Variants in RPS2 observed in about 807,000 individuals in gnomAD.
The protein encoded by RPS2 is ribosomal protein S2.
RPS2 carries 8 observed loss-of-function variants against 25.3 expected under a neutral mutation model. The ratio of observed to expected loss-of-function variants is 0.32; its 90% confidence interval spans 0.19 to 0.57. RPS2 has a LOEUF of 0.57. RPS2 is among the 20% of genes least tolerant of loss of function. RPS2 has a pLI of 0.90. For synonymous variants in RPS2, 181 were observed against 161.3 expected (o/e 1.12, Z -0.92); for missense variants, 229 against 408.1 (o/e 0.56, Z 3.78).
Position 1,963,150 on chromosome 16 carries a change from T to G in RPS2, c.374A>C (p.Lys125Thr). The change falls in exon 4 of 7, where the codon AAG becomes ACG. Residue 125 changes from lysine to threonine, a missense_variant and splice_region_variant. By Grantham distance (78) the Lys-to-Thr change is moderately conservative. Around this residue, in one of 7 missense-constraint regions of RPS2, gnomAD observed 5 missense variants for 37.6 expected, o/e 0.13. Transcript: ENST00000343262. ...QTRAGQRTRFKAFVAIGDYNG... is the reference protein window; with the variant it reads ...QTRAGQRTRFTAFVAIGDYNG... ...GCCCCCTCCAGGACAGCCGGGTACCTTGAACCTGGTGCGCTGGCCGGCACG... is the reference window on the plus strand; with the variant it reads ...GCCCCCTCCAGGACAGCCGGGTACCGTGAACCTGGTGCGCTGGCCGGCACG... 1 of 1,608,428 alleles carries G rather than the reference T, an allele frequency of 6.2e-7. No individual in the cohort carries two copies. Among genetic ancestry groups the G allele is most frequent in the Non-Finnish European group, 8.5e-7 (1 of 1,176,820 alleles).
intron 6 of RPS2, 94 bp downstream of exon 6, chr16:1,962,403 C>G: frequency 7.1e-7 from 1 of 1,408,190 alleles, no homozygotes; most frequent in Non-Finnish European, 1.0e-6. Flanking sequence ...GAGCCTTTCT[C>G]TGCCTCCCTG....
Position 1,962,723 on chromosome 16 carries a change from G to A in RPS2, c.549+13C>T. ...CTGCCCCACGGCAGGCCCATCACCTGCCACCAGCCTACCTTGCAAGGGACA... is the reference window on the plus strand; with the variant it reads ...CTGCCCCACGGCAGGCCCATCACCTACCACCAGCCTACCTTGCAAGGGACA... On this transcript the variant is annotated intron_variant, in intron 5 of 6. Coordinates refer to ENST00000343262, the MANE Select transcript of RPS2 (RefSeq NM_002952.4). 1 of 1,594,704 alleles carries A rather than the reference G, an allele frequency of 6.3e-7. No homozygotes were observed. The highest frequency in any genetic ancestry group is 2.3e-5 in the East Asian group (1 of 43,732).
At position 1,963,312 on chromosome 16, in the gene RPS2, A is replaced by G. The variant is rs1024523085; in HGVS notation, c.268-56T>C. 4 of 1,212,908 alleles carry G rather than the reference A, an allele frequency of 3.3e-6. No individual in the cohort carries two copies. The South Asian group carries it at 4.3e-5, about 13-fold the overall frequency. The allele number at this position is 1,212,908 out of a possible 1,614,324, so 75.1% of individuals were successfully genotyped here. ...CATTAAAAAAAAACTTAATACCATT[A>G]TGATATTCAAGAACCAAAGTCACGG... On this transcript the variant is annotated intron_variant, in intron 3 of 6. Transcript: ENST00000343262.
intron 1 of RPS2, 21 bp downstream of exon 1, chr16:1,964,786 G>A (rs180831213): frequency 7.2e-6 from 4 of 551,730 alleles, no homozygotes; most frequent in African/African-American, 4.0e-5. Context: ...GAGGCCCGCT[G>A]CAGCGACCAA....
At position 1,964,632 on chromosome 16, in the gene RPS2, G is replaced by A. The variant is rs764013061; in HGVS notation, c.-3-4C>T. 1.9e-5 allele frequency: 28 copies of A among 1,447,648 alleles called. No individual in the cohort carries two copies. The South Asian group carries it at 3.3e-4, about 17-fold the overall frequency. 89.7% of individuals were successfully genotyped at this position (1,447,648 alleles called of 1,614,324 possible). A position where few individuals can be genotyped will look rare whatever the true frequency, so the allele number is the denominator to read the frequency against. On this transcript the variant is annotated splice_polypyrimidine_tract_variant and splice_region_variant and intron_variant, in intron 1 of 6. Coordinates refer to ENST00000343262, the MANE Select transcript of RPS2 (RefSeq NM_002952.4). ...CACCGGCGTCATCCGCCATTTGCTG[G>A]GAAAAGCGACAAGAAGGAACTAGTC... is the stretch of plus-strand genomic sequence containing the variant.
chr16:1,963,672 T>C (rs769920733), intron 3 of RPS2: 5 of 389,936 alleles, frequency 1.3e-5, no homozygotes, highest in Non-Finnish European at 2.6e-5. Flanking sequence ...CCCCGATCTG[T>C]CCCCTTCGTT....
At chr16:1,964,227 A>T in intron 3 of RPS2, 49 bp downstream of exon 3, 1 of 1,408,332 alleles carries the variant, frequency 7.1e-7, no homozygotes, top group Non-Finnish European at 1.0e-6. Flanking sequence ...CCCCAGCCCA[A>T]ATGACTCCGG....
At chr16:1,963,749 C>T (rs1335031833) in intron 3 of RPS2, 3 of 450,838 alleles carry the variant, frequency 6.7e-6, no homozygotes, top group Admixed American at 2.5e-5. Flanking sequence ...TCCTATTTGC[C>T]CTTTTTCTCT....
intron 3 of RPS2, chr16:1,963,948 C>A (rs1597038845): frequency 2.5e-6 from 1 of 403,732 alleles, no homozygotes; most frequent in East Asian, 5.9e-5. Context: ...GTTTGCTAAC[C>A]CTTACAGTGT....
At position 1,964,601 on chromosome 16, in the gene RPS2, C is replaced by G. The variant is rs12397561; in HGVS notation, c.25G>C (p.Gly9Arg). 3 of 1,522,708 alleles carry G rather than the reference C, an allele frequency of 2.0e-6. No homozygotes were observed. Among genetic ancestry groups the G allele is most frequent in the East Asian group, 2.4e-5 (1 of 42,312 alleles). 94.3% of individuals were successfully genotyped at this position (1,522,708 alleles called of 1,614,324 possible). A position where few individuals can be genotyped will look rare whatever the true frequency, so the allele number is the denominator to read the frequency against. The change falls in exon 2 of 7, where the codon GGG (glycine) becomes CGG (arginine). Residue 9 changes from glycine to arginine, a missense_variant. Transcript: ENST00000343262. MADDAGAA[G>R]GPGGPGGPGM... ...GGGCCACCAGGGCCCCCGGGCCCCCCCGCTGCACCGGCGTCATCCGCCATT... is the reference window on the plus strand; with the variant it reads ...GGGCCACCAGGGCCCCCGGGCCCCCGCGCTGCACCGGCGTCATCCGCCATT...
chr16:1,962,907 T>C lies in RPS2; in HGVS notation c.378A>G (p.Ala126=), dbSNP rs778514224. 2 of 1,599,182 alleles carry C rather than the reference T, an allele frequency of 1.3e-6. No individual in the cohort carries two copies. The highest frequency in any genetic ancestry group is 1.7e-6 in the Non-Finnish European group (2 of 1,178,152). Residue 126 remains alanine, a splice_region_variant and synonymous_variant, in exon 5 of 7, where the codon GCA becomes GCG. Coordinates refer to ENST00000343262, the MANE Select transcript of RPS2 (RefSeq NM_002952.4). ...CATTGTAGTCCCCGATAGCAACAAA[T>C]GCCTGCGAAAAGATGTGTGTGAGGC... ...TRAGQRTRFK[A]FVAIGDYNGH...
Position 1,964,648 on chromosome 16 carries a change from G to C in RPS2, c.-3-20C>G, listed in dbSNP as rs767043774. 19 of 1,298,682 alleles carry C rather than the reference G, an allele frequency of 1.5e-5. No homozygotes were observed. Among genetic ancestry groups the C allele is most frequent in the Non-Finnish European group, 2.0e-5 (19 of 946,174 alleles). 80.4% of individuals were successfully genotyped at this position (1,298,682 alleles called of 1,614,324 possible). A position where few individuals can be genotyped will look rare whatever the true frequency, so the allele number is the denominator to read the frequency against. On this transcript the variant is annotated intron_variant, in intron 1 of 6. Transcript: ENST00000343262. ...CATTTGCTGGGAAAAGCGACAAGAA[G>C]GAACTAGTCAGTGTGGCCTACGCAT...
chr16:1,963,407 G>C (rs891430875), intron 3 of RPS2, 151 bp from the exon 4 acceptor site: 6 of 595,160 alleles, frequency 1.0e-5, no homozygotes, highest in Middle Eastern at 4.6e-4. Flanking sequence ...CACAAGGTCA[G>C]GAGTCCGATA....
intron 3 of RPS2, 83 bp from the exon 4 acceptor site, chr16:1,963,339 C>CG: frequency 1.1e-6 from 1 of 912,374 alleles, no homozygotes; most frequent in Non-Finnish European, 1.7e-6. Context: ...AAGTCACGGC[C>CG]GGGGGCGGTG....
Position 1,963,271 on chromosome 16 carries a change from A to T in RPS2, c.268-15T>A, listed in dbSNP as rs755071723. 5.5e-6 allele frequency: 8 copies of T among 1,458,384 alleles called. No homozygotes were observed. The highest frequency in any genetic ancestry group is 7.5e-6 in the Non-Finnish European group (8 of 1,072,586). 90.3% of individuals were successfully genotyped at this position (1,458,384 alleles called of 1,614,324 possible). ...ATCTCTGATTCCTGAAACAAACAAG[A>T]AAATTGTAGGGAGAGCATTAAAAAA... On this transcript the variant is annotated splice_polypyrimidine_tract_variant and intron_variant, in intron 3 of 6. Coordinates refer to ENST00000343262, the MANE Select transcript of RPS2 (RefSeq NM_002952.4).
intron 4 of RPS2, 80 bp downstream of exon 4, chr16:1,963,069 G>T (rs551830000): frequency 7.2e-7 from 1 of 1,385,076 alleles, no homozygotes; most frequent in Non-Finnish European, 1.0e-6. Flanking sequence ...AAAGTCACAC[G>T]GGTGAAGCCA....
chr16:1,962,988 CAAGG>C, intron 4 of RPS2, 79 bp from the exon 5 acceptor site: 1 of 1,518,682 alleles, frequency 6.6e-7, no homozygotes, highest in Non-Finnish European at 9.1e-7. Flanking sequence ...TTGCACCCCT[CAAGG>C]AAAGAGAGGC....
chr16:1,962,468 T>C lies in RPS2; in HGVS notation c.709+29A>G, dbSNP rs575255761. ...GTGGTTAAGCGGAGCTGAGAGACCA[T>C]GGCTATGCCCCATGTGTGGACCACC... On this transcript the variant is annotated intron_variant, in intron 6 of 6. Transcript: ENST00000343262. 78 of 1,605,000 alleles carry C rather than the reference T, an allele frequency of 4.9e-5. No homozygotes were observed. The East Asian group carries it at 1.4e-3, about 29-fold the overall frequency.
chr16:1,964,189 G>T, intron 3 of RPS2, 87 bp downstream of exon 3: 3 of 981,528 alleles, frequency 3.1e-6, no homozygotes, highest in South Asian at 1.3e-5. Context: ...CCTTTAATGC[G>T]AGTCAATGGC....
Sources: gnomAD v4.1 joint callset for allele counts on GRCh38, gnomAD v4.1.1 for gene constraint, gnomAD v4.1.1 regional missense constraint, MANE v1.5 for transcripts, NCBI Gene and HGNC (gene_info 2026-07-23, HGNC 2026-07-21) for gene names.